The following HAPLN1 variants were observed in gnomAD, a reference collection of about 807,000 sequenced individuals.
The protein encoded by HAPLN1 is hyaluronan and proteoglycan link protein 1, also known as Cartilage link protein.
Under a neutral mutation model 36.5 loss-of-function variants are expected in HAPLN1, and 13 were observed. The ratio of observed to expected loss-of-function variants is 0.36; its 90% CI spans 0.23 to 0.57. The LOEUF (loss-of-function observed/expected upper bound fraction) is 0.57, where lower values mean the gene tolerates loss of function less well. Ranked by LOEUF, HAPLN1 falls within the 20% of genes least tolerant of loss-of-function variation. The pLI is 0.83. For synonymous variants in HAPLN1, 202 were observed against 169.8 expected (o/e 1.19, Z -1.48); for missense variants, 407 against 439.7 (o/e 0.93, Z 0.66).
rs145267312 is a variant in HAPLN1 at position 83,687,838 on chromosome 5, T to G, written c.-26-14289A>C. ...CTCTTTGGTGTTAGCATATTTAAATTCTGGAAATGCATTTATATAGAACAT... is the reference window on the plus strand; with the variant it reads ...CTCTTTGGTGTTAGCATATTTAAATGCTGGAAATGCATTTATATAGAACAT... On this transcript the variant is annotated intron_variant, in intron 1 of 4. Coordinates refer to ENST00000274341, the MANE Select transcript of HAPLN1 (RefSeq NM_001884.4). Among the ~76,000 whole-genome samples the G allele has an allele frequency of 4.3e-3, 651 of 152,286 alleles. 2 individuals are homozygous for G. Among genetic ancestry groups the G allele is most frequent in the South Asian group, 7.7e-3 (37 of 4,824 alleles).
intron 1 of HAPLN1, among the ~76,000 whole-genome samples, chr5:83,687,207 T>A (rs1315088047): frequency 6.6e-6 from 1 of 152,192 alleles, no homozygotes; most frequent in Non-Finnish European, 1.5e-5. Flanking sequence ...TTTTAAAAAC[T>A]GCAAAAAATG....
rs56005008 is a variant in HAPLN1, at chr5:83,661,435, C to CTTTTTTTTT, written c.101-8620_101-8612dup. On this transcript the variant is annotated intron_variant, in intron 2 of 4. Transcript: ENST00000274341. The stretch of plus-strand genomic sequence containing the variant: ...CAATGGTGGTCTGTGAGAAAAGCTT[C>CTTTTTTTTT]TTTTTTTTTTTTTTTTTTTTTTTTT... Among the ~76,000 whole-genome samples, 12 of 62,976 alleles carry CTTTTTTTTT rather than the reference C, an allele frequency of 1.9e-4. 2 individuals carry two copies. The highest frequency in any genetic ancestry group is 7.4e-4 in the African/African-American group (11 of 14,850). 41.3% of individuals were successfully genotyped at this position (62,976 alleles called of 152,430 possible).
intron 1 of HAPLN1, among the ~76,000 whole-genome samples, chr5:83,706,812 G>A (rs1390756277): frequency 6.6e-6 from 1 of 152,178 alleles, no homozygotes; most frequent in Non-Finnish European, 1.5e-5. Flanking sequence ...CAGATGACAT[G>A]ATTCTATGTC....
intron 2 of HAPLN1, among the ~76,000 whole-genome samples, chr5:83,662,606 T>C (rs1430504599): frequency 2.0e-5 from 3 of 152,202 alleles, no homozygotes; most frequent in Admixed American, 6.5e-5. Flanking sequence ...AATATAAACA[T>C]ACTCTCTAGG....
intron 1 of HAPLN1, among the ~76,000 whole-genome samples, chr5:83,679,600 C>T (rs574558045): frequency 5.3e-5 from 8 of 152,096 alleles, no homozygotes; most frequent in Admixed American, 2.0e-4. Flanking sequence ...TGATATTTGA[C>T]GTGGTCATAG....
intron 1 of HAPLN1, among the ~76,000 whole-genome samples, chr5:83,716,282 C>T (rs115882822): frequency 1.3e-5 from 2 of 152,074 alleles, no homozygotes; most frequent in African/African-American, 2.4e-5. Context: ...AAATTGTGTT[C>T]TTTTTGGATG....
rs142534472 is a variant in HAPLN1, at chr5:83,693,001, T to C, written c.-26-19452A>G. ...TGTGGATAGTACCAAATCTTACATATGTTGTGTTTTTTCCTCTGCACACAT... is the reference window on the plus strand; with the variant it reads ...TGTGGATAGTACCAAATCTTACATACGTTGTGTTTTTTCCTCTGCACACAT... On this transcript the variant is annotated intron_variant, in intron 1 of 4. Transcript: ENST00000274341. Among the ~76,000 whole-genome samples, 34 of 152,030 alleles carry C rather than the reference T, an allele frequency of 2.2e-4. No individual in the cohort carries two copies. In the East Asian group the frequency reaches 6.4e-3, roughly 28 times the overall value.
chr5:83,641,605 G>C lies in HAPLN1; in HGVS notation c.956C>G (p.Ser319Cys). The C allele has an allele frequency of 6.2e-7, 1 of 1,614,206 alleles. No homozygotes were observed. Among genetic ancestry groups the C allele is most frequent in the Non-Finnish European group, 8.5e-7 (1 of 1,180,038 alleles). The change falls in exon 5 of 5, where the codon TCT becomes TGT. Residue 319 changes from serine to cysteine, a missense_variant. By Grantham distance (112) the Ser-to-Cys change is moderately radical. Transcript: ENST00000274341. The part of the protein sequence containing the change: ...LADGSVRYPI[S>C]RPRRRCSPTE... ...AGGACTGCAGCGCCTTCTTGGCCTAGAGATGGGGTAGCGGACGCTGCCATC... is the reference window on the plus strand; with the variant it reads ...AGGACTGCAGCGCCTTCTTGGCCTACAGATGGGGTAGCGGACGCTGCCATC...
chr5:83,699,312 C>T (rs1175713541), intron 1 of HAPLN1, among the ~76,000 whole-genome samples: 1 of 152,204 alleles, frequency 6.6e-6, no homozygotes, highest in Non-Finnish European at 1.5e-5. Flanking sequence ...GGGCAATGTA[C>T]ATAGTGGCTG....
At chr5:83,673,220 T>C (rs140759426) in intron 2 of HAPLN1, among the ~76,000 whole-genome samples, 167 of 152,326 alleles carry the variant, frequency 1.1e-3, no homozygotes, top group African/African-American at 3.7e-3. Flanking sequence ...ATTCTTAAGC[T>C]ACTCAACTTT....
intron 2 of HAPLN1, among the ~76,000 whole-genome samples, chr5:83,665,359 A>G (rs989760308): frequency 2.6e-5 from 4 of 152,136 alleles, no homozygotes; most frequent in African/African-American, 9.7e-5. Flanking sequence ...TTTGACTTAC[A>G]TGTCTTTCCT....
chr5:83,681,450 A>C (rs972814931), intron 1 of HAPLN1, among the ~76,000 whole-genome samples: 2 of 152,154 alleles, frequency 1.3e-5, no homozygotes, highest in Admixed American at 6.5e-5. Flanking sequence ...AAATGGACAC[A>C]AACAAATAAA....
intron 1 of HAPLN1, among the ~76,000 whole-genome samples, chr5:83,700,464 C>T (rs187106966): frequency 1.4e-4 from 21 of 152,144 alleles, no homozygotes; most frequent in African/African-American, 5.1e-4. Flanking sequence ...TCATCCTCAC[C>T]ATGGACACTG....
At position 83,681,467 on chromosome 5, in the gene HAPLN1, C is replaced by T. The variant is rs145499392; in HGVS notation, c.-26-7918G>A. 2.8e-4 allele frequency among the ~76,000 whole-genome samples: 42 copies of T among 152,174 alleles called. No homozygotes were observed. In the East Asian group the frequency reaches 8.1e-3, roughly 29 times the overall value. On this transcript the variant is annotated intron_variant, in intron 1 of 4. Coordinates refer to ENST00000274341, the MANE Select transcript of HAPLN1 (RefSeq NM_001884.4). ...ATGGACACAAACAAATAAAACAACT[C>T]TCATTTAAAATTACTTTTTTACATC... is the stretch of plus-strand genomic sequence containing the variant.
Position 83,652,680 on chromosome 5 carries a change from G to T in HAPLN1, c.245C>A (p.Thr82Asn). The change falls in exon 3 of 5, where the codon ACC becomes AAC. Residue 82 changes from threonine to asparagine, a missense_variant. By Grantham distance (65) the Thr-to-Asn change is moderately conservative (BLOSUM62 0). Coordinates refer to ENST00000274341, the MANE Select transcript of HAPLN1 (RefSeq NM_001884.4). The stretch of plus-strand genomic sequence containing the variant: ...CTTGAGGTAATCCGAAGTTAGCTTG[G>T]TCCACTTAATTCGGATTTTATGGAT... ...SGIHKIRIKW[T>N]KLTSDYLKEV... 1 of 1,614,040 alleles carries T rather than the reference G, an allele frequency of 6.2e-7. No homozygotes were observed. The highest frequency in any genetic ancestry group is 1.1e-5 in the South Asian group (1 of 91,068).
At chr5:83,720,448 G>A (rs1036413962) in intron 1 of HAPLN1, among the ~76,000 whole-genome samples, 6 of 151,988 alleles carry the variant, frequency 3.9e-5, no homozygotes, top group Admixed American at 3.9e-4. Flanking sequence ...TTTCATCTCA[G>A]GTGCTATAAA....
chr5:83,652,270 T>C (rs1750085546), intron 3 of HAPLN1, 183 bp downstream of exon 3: 2 of 568,108 alleles, frequency 3.5e-6, no homozygotes. Context: ...GCATTGTGTA[T>C]GCATTTCAAA....
At chr5:83,672,601 G>C (rs1003741568) in intron 2 of HAPLN1, among the ~76,000 whole-genome samples, 3 of 152,216 alleles carry the variant, frequency 2.0e-5, no homozygotes, top group Non-Finnish European at 4.4e-5. Flanking sequence ...AGTTTACTGA[G>C]GCTACGCTTT....
intron 1 of HAPLN1, chr5:83,673,766 T>A: frequency 2.4e-6 from 1 of 415,448 alleles, no homozygotes; most frequent in South Asian, 3.6e-5. Context: ...AAATAGTGTT[T>A]AACTCTATCT....
Sources: gnomAD v4.1 joint callset for allele counts (sites outside exome capture counted in the v4.1 genomes callset) on GRCh38, gnomAD v4.1.1 for gene constraint, MANE v1.5 for transcripts, NCBI Gene and HGNC (gene_info 2026-07-23, HGNC 2026-07-21) for gene names.